The following WWOX variants were observed in gnomAD, a reference collection of about 807,000 sequenced individuals.
WWOX encodes the protein WW domain containing oxidoreductase.
A neutral mutation model predicts 46.2 loss-of-function variants in WWOX; 69 were observed. The observed-to-expected ratio is 1.49, with a 90% CI of 1.23 to 1.82. WWOX has a LOEUF of 1.82. Among genes scored for constraint, WWOX ranks in the 40% most tolerant of loss-of-function variants. The probability of loss-of-function intolerance (pLI) is 0.00; values close to 1 mark genes in which losing one functional copy is unlikely to be tolerated. For missense variants in WWOX, 919 were observed against 542.6 expected, an observed-to-expected ratio of 1.69 and a Z score of -6.89; for synonymous variants, 359 against 202.6, an observed-to-expected ratio of 1.77 and a Z score of -6.56.
At chr16:78,724,134 A>G (rs1597495480) in intron 8 of WWOX, among the ~76,000 whole-genome samples, 1 of 152,174 alleles carries the variant, frequency 6.6e-6, no homozygotes. Flanking sequence ...GGGAGTAGTG[A>G]CTATTTAGCC....
chr16:78,201,668 C>G (rs897233894), intron 5 of WWOX, among the ~76,000 whole-genome samples: 12 of 150,364 alleles, frequency 8.0e-5, no homozygotes, highest in African/African-American at 2.7e-4. Flanking sequence ...ACTGGGCATT[C>G]CTTGGATTAT....
At chr16:78,324,404 G>A (rs541188271) in intron 5 of WWOX, among the ~76,000 whole-genome samples, 1 of 152,192 alleles carries the variant, frequency 6.6e-6, no homozygotes, top group African/African-American at 2.4e-5. Context: ...ATAGTCAAGA[G>A]TTCCCATATG....
rs552446379 is a variant in WWOX at position 79,025,757 on chromosome 16, C to G, written c.1057-185851C>G. Among the ~76,000 whole-genome samples, 4 of 150,668 alleles carry G rather than the reference C, an allele frequency of 2.7e-5. No homozygotes were observed. The South Asian group carries it at 6.3e-4, about 24-fold the overall frequency. On this transcript the variant is annotated intron_variant, in intron 8 of 8. Coordinates refer to ENST00000566780, the MANE Select transcript of WWOX (RefSeq NM_016373.4). ...TGGCCTTTCTGATAATCCTTTCATC[C>G]TTCATCTCCCCTGTTGCCGTTTTCT...
intron 8 of WWOX, among the ~76,000 whole-genome samples, chr16:79,044,140 G>A (rs2048024032): frequency 6.6e-6 from 1 of 152,206 alleles, no homozygotes; most frequent in Non-Finnish European, 1.5e-5. Context: ...CACGTACTGG[G>A]AATCCCAAAC....
At chr16:78,635,732 C>T (rs759115061) in intron 8 of WWOX, among the ~76,000 whole-genome samples, 8 of 152,194 alleles carry the variant, frequency 5.3e-5, no homozygotes, top group Non-Finnish European at 1.0e-4. Context: ...TCAATGTCGT[C>T]ATCGTCCTTA....
intron 8 of WWOX, among the ~76,000 whole-genome samples, chr16:78,685,241 G>C (rs908219037): frequency 5.9e-5 from 9 of 152,178 alleles, no homozygotes; most frequent in African/African-American, 2.2e-4. Context: ...TAATGGTAGA[G>C]TCAAGTGTTT....
intron 8 of WWOX, among the ~76,000 whole-genome samples, chr16:78,476,357 CA>C (rs369437818): frequency 6.6e-6 from 1 of 151,964 alleles, no homozygotes; most frequent in Non-Finnish European, 1.5e-5. Context: ...GTTGCAAGGA[CA>C]AAAAACCAAA....
chr16:78,817,181 T>G (rs1342942224), intron 8 of WWOX, among the ~76,000 whole-genome samples: 21 of 138,730 alleles, frequency 1.5e-4, no homozygotes, highest in South Asian at 2.5e-4. Flanking sequence ...TCTTTTTTTT[T>G]TTTTTTTTTT....
At chr16:78,471,332 G>T (rs1314271797) in intron 8 of WWOX, among the ~76,000 whole-genome samples, 2 of 152,220 alleles carry the variant, frequency 1.3e-5, no homozygotes, top group Non-Finnish European at 2.9e-5. Flanking sequence ...CGGAGATGAG[G>T]ATGCTTTGCG....
intron 8 of WWOX, among the ~76,000 whole-genome samples, chr16:79,066,279 C>G (rs756016773): frequency 1.3e-5 from 2 of 152,208 alleles, no homozygotes; most frequent in Non-Finnish European, 1.5e-5. Context: ...AGTCATGAGG[C>G]CCTGCTTCCT....
chr16:78,561,082 G>C (rs955317098), intron 8 of WWOX, among the ~76,000 whole-genome samples: 1 of 152,194 alleles, frequency 6.6e-6, no homozygotes, highest in Admixed American at 6.5e-5. Flanking sequence ...CATTCAGGAT[G>C]CTGGCAGGAT....
rs1414529657 is a variant in WWOX at position 78,616,430 on chromosome 16, C to T, written c.1056+183678C>T. ...TCATAGGTGTCCATCTTGCTATTTT[C>T]TCAACTAGCAGAGGCAACTCTCTGG... On this transcript the variant is annotated intron_variant, in intron 8 of 8. Coordinates refer to ENST00000566780, the MANE Select transcript of WWOX (RefSeq NM_016373.4). Among the ~76,000 whole-genome samples, 3 of 151,890 alleles carry T rather than the reference C, an allele frequency of 2.0e-5. No individual in the cohort carries two copies. In the East Asian group the frequency reaches 5.8e-4, roughly 29 times the overall value.
chr16:78,890,506 C>T (rs2044566858), intron 8 of WWOX: 1 of 152,246 alleles, frequency 6.6e-6, no homozygotes, highest in African/African-American at 2.4e-5. Context: ...ACTGGGCAAG[C>T]CTCCTGGCTT....
chr16:78,453,029 C>T (rs1720428006), intron 8 of WWOX, among the ~76,000 whole-genome samples: 1 of 151,388 alleles, frequency 6.6e-6, no homozygotes. Flanking sequence ...TTACAGGCAC[C>T]TGCCTTCATG....
rs2045451614 is a variant in WWOX at position 78,924,421 on chromosome 16, A to T, written c.1057-287187A>T. ...AAATATTTATTTAAAAGTCAGACTA[A>T]TGGCAGAATGGAAAGAATCCCAGCT... On this transcript the variant is annotated intron_variant, in intron 8 of 8. Coordinates refer to ENST00000566780, the MANE Select transcript of WWOX (RefSeq NM_016373.4). Among the ~76,000 whole-genome samples the T allele has an allele frequency of 2.0e-5, 3 of 152,214 alleles. No homozygotes were observed. The South Asian group carries it at 6.2e-4, about 32-fold the overall frequency.
At chr16:78,683,492 G>C (rs551398696) in intron 8 of WWOX, among the ~76,000 whole-genome samples, 1 of 151,736 alleles carries the variant, frequency 6.6e-6, no homozygotes, top group African/African-American at 2.4e-5. Context: ...GTGAGCCGAG[G>C]TTGTGCCACT....
intron 8 of WWOX, among the ~76,000 whole-genome samples, chr16:78,954,057 C>G (rs1013405188): frequency 6.6e-6 from 1 of 152,234 alleles, no homozygotes; most frequent in Non-Finnish European, 1.5e-5. Context: ...CATGTCAAGG[C>G]AAGGACCATA....
chr16:78,898,929 G>C (rs1227304724), intron 8 of WWOX: 1 of 151,938 alleles, frequency 6.6e-6, no homozygotes, highest in African/African-American at 2.4e-5. Flanking sequence ...CTAATATATA[G>C]AAATACAGTT....
At chr16:78,466,983 T>A (rs1206382689) in intron 8 of WWOX, among the ~76,000 whole-genome samples, 1 of 151,886 alleles carries the variant, frequency 6.6e-6, no homozygotes, top group Non-Finnish European at 1.5e-5. Flanking sequence ...CACCGATCCC[T>A]ACCCTGCATG....
Sources: allele counts gnomAD v4.1 joint callset (sites outside exome capture counted in the v4.1 genomes callset), GRCh38; gene constraint gnomAD v4.1.1; transcripts MANE v1.5; gene names NCBI Gene and HGNC (gene_info 2026-07-23, HGNC 2026-07-21).